The following KCNH7 variants were observed in gnomAD, a reference collection of about 807,000 sequenced individuals.
The protein encoded by KCNH7 is voltage-gated inwardly rectifying potassium channel KCNH7.
Under a neutral mutation model 120.8 loss-of-function variants are expected in KCNH7, and 49 were observed. That is an observed-to-expected ratio of 0.41 (90% CI 0.32 to 0.51). KCNH7 has a LOEUF of 0.51. KCNH7 is among the 20% of genes least tolerant of loss of function. KCNH7 has a pLI of 0.38. For missense variants in KCNH7, 1,097 were observed against 1,446.6 expected (o/e 0.76, Z 3.92); for synonymous variants, 547 against 516.1 (o/e 1.06, Z -0.81).
rs370915375 is a variant in KCNH7 at position 162,387,440 on chromosome 2, C to T, written c.2711-2501G>A. On this transcript the variant is annotated intron_variant, in intron 12 of 15. Coordinates refer to ENST00000332142, the MANE Select transcript of KCNH7 (RefSeq NM_033272.4). ...GGACTGTACTATTTTTGCCTTTTTC[C>T]AGTTAAACTGAATTATTTGATAGAC... 2.4e-4 allele frequency among the ~76,000 whole-genome samples: 36 copies of T among 151,274 alleles called. 1 individual carries two copies. Among genetic ancestry groups the T allele is most frequent in the African/African-American group, 7.8e-4 (32 of 41,270 alleles).
chr2:162,666,354 A>T (rs1423593184), intron 2 of KCNH7, among the ~76,000 whole-genome samples: 1 of 151,754 alleles, frequency 6.6e-6, no homozygotes, highest in South Asian at 2.1e-4. Flanking sequence ...TCCCTAATAA[A>T]TTCTGCCCCC....
At chr2:162,407,956 G>A (rs144688813) in intron 9 of KCNH7, among the ~76,000 whole-genome samples, 15 of 152,128 alleles carry the variant, frequency 9.9e-5, no homozygotes, top group Admixed American at 6.6e-4. Context: ...ATCACGTATC[G>A]TATTTTAGCA....
intron 6 of KCNH7, among the ~76,000 whole-genome samples, chr2:162,503,794 A>G (rs561325346): frequency 2.0e-5 from 3 of 152,204 alleles, no homozygotes; most frequent in African/African-American, 7.2e-5. Context: ...ATGTAAGTGC[A>G]CTGTAAGCAA....
intron 4 of KCNH7, 24 bp from the exon 5 acceptor site, chr2:162,512,698 AAAAAGAG>A: frequency 1.9e-6 from 3 of 1,591,820 alleles, no homozygotes; most frequent in Non-Finnish European, 2.6e-6. Context: ...ATAAGGATAA[AAAAAGAG>A]AAATATAAAA....
intron 2 of KCNH7, among the ~76,000 whole-genome samples, chr2:162,638,530 C>T (rs571168323): frequency 2.3e-4 from 35 of 151,994 alleles, no homozygotes; most frequent in African/African-American, 7.7e-4. Context: ...TAACTCTGAA[C>T]GGTTGATGAA....
chr2:162,739,942 G>A (rs1006449426), intron 2 of KCNH7, among the ~76,000 whole-genome samples: 2 of 152,024 alleles, frequency 1.3e-5, no homozygotes, highest in African/African-American at 2.4e-5. Flanking sequence ...TGTAAATGGG[G>A]AGAATTAATT....
chr2:162,569,992 A>G lies in KCNH7; in HGVS notation c.308-32912T>C, dbSNP rs1219269231. On this transcript the variant is annotated intron_variant, in intron 2 of 15. Coordinates refer to ENST00000332142, the MANE Select transcript of KCNH7 (RefSeq NM_033272.4). Reference sequence around the variant, plus strand: ...GAATAGGTGTGGTGTGGTGCTGAAAAAAATGTATATTCTGTTGATTTGGGG... The same window carrying G: ...GAATAGGTGTGGTGTGGTGCTGAAAGAAATGTATATTCTGTTGATTTGGGG... Among the ~76,000 whole-genome samples, 10 of 136,532 alleles carry G rather than the reference A, an allele frequency of 7.3e-5. No homozygotes were observed. The South Asian group carries it at 2.3e-3, about 31-fold the overall frequency. The allele number at this position is 136,532 out of a possible 152,430, so 89.6% of individuals were successfully genotyped here. A position where few individuals can be genotyped will look rare whatever the true frequency, so the allele number is the denominator to read the frequency against.
At chr2:162,406,068 AACTATT>A (rs1259227089) in intron 9 of KCNH7, among the ~76,000 whole-genome samples, 2 of 152,002 alleles carry the variant, frequency 1.3e-5, no homozygotes, top group African/African-American at 2.4e-5. Context: ...ATTGACAATA[AACTATT>A]ACTCTTTCCT....
intron 3 of KCNH7, among the ~76,000 whole-genome samples, chr2:162,529,583 C>G (rs1691843999): frequency 6.6e-6 from 1 of 151,792 alleles, no homozygotes; most frequent in African/African-American, 2.4e-5. Flanking sequence ...TTATTTAAAA[C>G]AGTAAAAGTG....
At position 162,759,825 on chromosome 2, in the gene KCNH7, GA is replaced by G. The variant is rs143321539; in HGVS notation, c.307+76711del. On this transcript the variant is annotated intron_variant, in intron 2 of 15. Transcript: ENST00000332142. ...TGAAACAATGTAAATGTCAAAAATT[GA>G]TAAATAATTACTTTCTAGATGAGAA... Among the ~76,000 whole-genome samples, 222 of 152,204 alleles carry G rather than the reference GA, an allele frequency of 1.5e-3. 1 individual carries two copies. Among genetic ancestry groups the G allele is most frequent in the African/African-American group, 5.1e-3 (214 of 41,562 alleles).
At chr2:162,679,313 T>C (rs1685632389) in intron 2 of KCNH7, among the ~76,000 whole-genome samples, 1 of 151,698 alleles carries the variant, frequency 6.6e-6, no homozygotes, top group Non-Finnish European at 1.5e-5. Context: ...TTTAATATTC[T>C]AATATTTTCA....
At chr2:162,543,193 A>T (rs981820893) in intron 2 of KCNH7, among the ~76,000 whole-genome samples, 3 of 152,084 alleles carry the variant, frequency 2.0e-5, no homozygotes, top group African/African-American at 7.2e-5. Context: ...TAAACAAAAA[A>T]CTGAGCTGGC....
rs566488203 is a variant in KCNH7, at chr2:162,763,549, T to C, written c.307+72988A>G. On this transcript the variant is annotated intron_variant, in intron 2 of 15. Coordinates refer to ENST00000332142, the MANE Select transcript of KCNH7 (RefSeq NM_033272.4). ...GTTCCAAAATTGTTAGAAAATACGATGGCCAGAGCTTGATGCATCCATAGA... is the reference window on the plus strand; with the variant it reads ...GTTCCAAAATTGTTAGAAAATACGACGGCCAGAGCTTGATGCATCCATAGA... Among the ~76,000 whole-genome samples the C allele has an allele frequency of 5.3e-5, 8 of 152,166 alleles. No homozygotes were observed. The East Asian group carries it at 1.5e-3, about 29-fold the overall frequency.
intron 2 of KCNH7, among the ~76,000 whole-genome samples, chr2:162,744,853 G>C (rs547966813): frequency 6.6e-6 from 1 of 152,100 alleles, no homozygotes; most frequent in Non-Finnish European, 1.5e-5. Flanking sequence ...GATTACAGGC[G>C]TGAGCCACCG....
intron 2 of KCNH7, among the ~76,000 whole-genome samples, chr2:162,588,823 T>C (rs1326716918): frequency 6.6e-6 from 1 of 152,050 alleles, no homozygotes; most frequent in Non-Finnish European, 1.5e-5. Context: ...CATTAGAAGG[T>C]GTTCCTCCTA....
chr2:162,806,983 C>A (rs1411584213), intron 2 of KCNH7, among the ~76,000 whole-genome samples: 3 of 150,842 alleles, frequency 2.0e-5, no homozygotes, highest in African/African-American at 7.3e-5. Context: ...GGAAATCCAA[C>A]AATAGAAATA....
At chr2:162,636,055 G>GT (rs1324132724) in intron 2 of KCNH7, among the ~76,000 whole-genome samples, 1 of 151,902 alleles carries the variant, frequency 6.6e-6, no homozygotes, top group Admixed American at 6.6e-5. Flanking sequence ...ACCTACTTTG[G>GT]TTTCAGGTAT....
intron 2 of KCNH7, among the ~76,000 whole-genome samples, chr2:162,675,387 T>C (rs2105303589): frequency 6.6e-6 from 1 of 151,566 alleles, no homozygotes; most frequent in Admixed American, 6.6e-5. Flanking sequence ...ATTGATACAA[T>C]TACTTGGAAA....
chr2:162,512,736 T>C (rs1034271057), intron 4 of KCNH7, 62 bp from the exon 5 acceptor site: 15 of 1,242,644 alleles, frequency 1.2e-5, no homozygotes, highest in Admixed American at 7.2e-5. Context: ...AATTATATTA[T>C]ATACACTGAA....
Sources: gnomAD v4.1 joint callset for allele counts (sites outside exome capture counted in the v4.1 genomes callset) on GRCh38, gnomAD v4.1.1 for gene constraint, MANE v1.5 for transcripts, NCBI Gene and HGNC (gene_info 2026-07-23, HGNC 2026-07-21) for gene names.